The following LRP2 variants were observed in gnomAD, a reference collection of about 807,000 sequenced individuals.
LRP2 encodes the protein LDL receptor related protein 2.
LRP2 carries 172 observed loss-of-function variants against 531.0 expected under a neutral mutation model. The ratio of observed to expected loss-of-function variants is 0.32; its 90% CI spans 0.29 to 0.37. The LOEUF (loss-of-function observed/expected upper bound fraction) is 0.37, where lower values mean the gene tolerates loss of function less well. Ranked by LOEUF, LRP2 falls within the 10% of genes least tolerant of loss-of-function variation. The pLI, the probability that LRP2 is intolerant of heterozygous loss-of-function variation, is 1.00. For missense variants in LRP2, 5,167 were observed against 5,868.3 expected (o/e 0.88, Z 3.90); for synonymous variants, 1,992 against 2,027.6 (o/e 0.98, Z 0.47).
chr2:169,269,193 G>C (rs1295925017), intron 16 of LRP2, among the ~76,000 whole-genome samples: 1 of 152,178 alleles, frequency 6.6e-6, no homozygotes, highest in Non-Finnish European at 1.5e-5. Context: ...GTGATTTATA[G>C]ATTCAATGCC....
chr2:169,329,152 A>G (rs189078900), intron 1 of LRP2, among the ~76,000 whole-genome samples: 1 of 152,364 alleles, frequency 6.6e-6, no homozygotes, highest in East Asian at 1.9e-4. Context: ...TCATCAGAGA[A>G]GTCTTCACAA....
At chr2:169,175,084 A>T (rs1324988063) in intron 55 of LRP2, 109 bp downstream of exon 55, 19 of 1,044,664 alleles carry the variant, frequency 1.8e-5, no homozygotes, top group Non-Finnish European at 2.8e-5. Context: ...TCCTTCTAGG[A>T]CTTTGAACTG....
chr2:169,338,394 AAG>A (rs1210198583), intron 1 of LRP2, among the ~76,000 whole-genome samples: 1 of 126,966 alleles, frequency 7.9e-6, no homozygotes, highest in Non-Finnish European at 1.7e-5. Context: ...GAAAGAAAGA[AAG>A]AAAGAAAGAA....
At position 169,198,638 on chromosome 2, in the gene LRP2, T is replaced by C. The variant is rs2105321114; in HGVS notation, c.8578+148A>G. On this transcript the variant is annotated intron_variant, in intron 45 of 78. Coordinates refer to ENST00000649046, the MANE Select transcript of LRP2 (RefSeq NM_004525.3). ...TTTCTCATACCCCTGCAATCACATA[T>C]GAAAGCAACTGCCTACCACCTCTAC... 2.3e-5 allele frequency: 19 copies of C among 843,104 alleles called. 1 individual carries two copies. The South Asian group carries it at 2.7e-4, about 12-fold the overall frequency. 52.2% of individuals were successfully genotyped at this position (843,104 alleles called of 1,614,324 possible).
chr2:169,213,062 GA>G (rs1484755246), intron 36 of LRP2, among the ~76,000 whole-genome samples: 2 of 152,084 alleles, frequency 1.3e-5, no homozygotes, highest in African/African-American at 4.8e-5. Flanking sequence ...ATCTTTGGCT[GA>G]AGACGAAAGC....
chr2:169,203,548 C>G (rs914909273), intron 42 of LRP2, among the ~76,000 whole-genome samples: 2 of 152,046 alleles, frequency 1.3e-5, no homozygotes, highest in African/African-American at 4.8e-5. Context: ...TCTCTTGAGG[C>G]CAAGAGTTTG....
intron 9 of LRP2, among the ~76,000 whole-genome samples, chr2:169,283,237 A>G (rs1169543254): frequency 2.0e-5 from 3 of 152,218 alleles, no homozygotes; most frequent in Admixed American, 1.3e-4. Context: ...GAAAATGCAC[A>G]ACACTTCCTG....
At chr2:169,319,015 C>A (rs1427978403) in intron 2 of LRP2, 131 bp from the exon 3 acceptor site, 17 of 1,127,548 alleles carry the variant, frequency 1.5e-5, no homozygotes, top group Non-Finnish European at 2.1e-5. Context: ...AGTAAACAAC[C>A]CTTATACTAG....
At chr2:169,180,558 T>C (rs1454150253) in intron 52 of LRP2, among the ~76,000 whole-genome samples, 1 of 152,254 alleles carries the variant, frequency 6.6e-6, no homozygotes, top group Admixed American at 6.5e-5. Flanking sequence ...GTGTGCCAGG[T>C]ATTCCTTCTT....
chr2:169,279,347 A>G, intron 12 of LRP2, 25 bp downstream of exon 12: 1 of 1,539,894 alleles, frequency 6.5e-7, no homozygotes, highest in Non-Finnish European at 9.0e-7. Flanking sequence ...AAATACAGGA[A>G]TCAATATGTT....
chr2:169,219,833 C>T (rs1277451028), intron 34 of LRP2, among the ~76,000 whole-genome samples: 1 of 152,018 alleles, frequency 6.6e-6, no homozygotes, highest in African/African-American at 2.4e-5. Context: ...AAAAAAAATC[C>T]CTACTTGCTC....
intron 13 of LRP2, 132 bp from the exon 14 acceptor site, chr2:169,275,370 A>G (rs1323149260): frequency 1.4e-6 from 1 of 736,684 alleles, no homozygotes; most frequent in Non-Finnish European, 2.4e-6. Context: ...TAGATAGAAA[A>G]GATACATTTT....
At chr2:169,208,599 G>A (rs1424107280) in intron 38 of LRP2, among the ~76,000 whole-genome samples, 1 of 152,128 alleles carries the variant, frequency 6.6e-6, no homozygotes, top group African/African-American at 2.4e-5. Context: ...TGGGATTACA[G>A]GCGTACGCCA....
At chr2:169,270,611 TGGGGGGAGGGGGA>T (rs1553506614) in intron 16 of LRP2, among the ~76,000 whole-genome samples, 1 of 49,192 alleles carries the variant, frequency 2.0e-5, no homozygotes, top group Non-Finnish European at 3.9e-5. Context: ...TGTCGTGGGG[TGGGGGGAGGGGGA>T]GGGATAGCAT....
chr2:169,275,120 T>C lies in LRP2; in HGVS notation c.1891A>G (p.Thr631Ala), dbSNP rs370214523. 5 of 1,613,656 alleles carry C rather than the reference T, an allele frequency of 3.1e-6. No individual in the cohort carries two copies. The African/African-American group carries it at 6.7e-5, about 22-fold the overall frequency. ...TAGTACACTTGTGGGTTGGTCTCTG[T>C]GAACTTGTTTGCCTTCAGCACGGCC... is the stretch of plus-strand genomic sequence containing the variant. ...KMAVLKANKF[T>A]ETNPQVYYQA... The change falls in exon 14 of 79, where the codon ACA becomes GCA. Residue 631 changes from threonine to alanine, a missense_variant. Thr to Ala is a moderately conservative substitution (Grantham distance 58, BLOSUM62 0). Around this residue, in one of 6 missense-constraint regions of LRP2, gnomAD observed 2,811 missense variants for 3,058.0 expected, o/e 0.92. Transcript: ENST00000649046.
At chr2:169,205,371 T>G in intron 41 of LRP2, 108 bp downstream of exon 41, 1 of 1,206,218 alleles carries the variant, frequency 8.3e-7, no homozygotes, top group Non-Finnish European at 1.2e-6. Flanking sequence ...ATTCTGGCAA[T>G]GTCTATCTGG....
At chr2:169,361,349 T>TCTCTCC (rs1686148554) in intron 1 of LRP2, among the ~76,000 whole-genome samples, 1 of 26,868 alleles carries the variant, frequency 3.7e-5, no homozygotes, top group African/African-American at 1.6e-4. Flanking sequence ...TGTCTCTCTC[T>TCTCTCC]GTCTCTCTCT....
intron 13 of LRP2, among the ~76,000 whole-genome samples, chr2:169,276,421 A>G (rs1683555501): frequency 6.6e-6 from 1 of 152,166 alleles, no homozygotes; most frequent in South Asian, 2.1e-4. Context: ...GTTAGACTAT[A>G]TAATATAATG....
chr2:169,211,674 C>T (rs768549645), intron 37 of LRP2, among the ~76,000 whole-genome samples: 1 of 152,112 alleles, frequency 6.6e-6, no homozygotes, highest in African/African-American at 2.4e-5. Context: ...GGGCCAGCAC[C>T]GTCAGCATGC....
Sources: gnomAD v4.1 joint callset for allele counts (sites outside exome capture counted in the v4.1 genomes callset) on GRCh38, gnomAD v4.1.1 for gene constraint, gnomAD v4.1.1 regional missense constraint, MANE v1.5 for transcripts, NCBI Gene and HGNC (gene_info 2026-07-23, HGNC 2026-07-21) for gene names.